Variants in DKKL1 observed in about 807,000 individuals in gnomAD.
DKKL1 encodes the protein dickkopf like acrosomal protein 1, also known as dickkopf-like protein 1.
Under a neutral mutation model 16.5 loss-of-function variants are expected in DKKL1, and 11 were observed. The observed-to-expected ratio is 0.67, with a 90% CI of 0.42 to 1.10. The LOEUF is 1.10. Ranked by LOEUF, DKKL1 falls within the 50% of genes least tolerant of loss-of-function variation. DKKL1 has a pLI of 0.00. For synonymous variants in DKKL1, 119 were observed against 133.2 expected, an observed-to-expected ratio of 0.89 and a Z score of 0.73; for missense variants, 320 against 308.1, an observed-to-expected ratio of 1.04 and a Z score of -0.29.
chr19:49,362,935 G>GT (rs1333841695), upstream of DKKL1: 1,509 of 80,130 alleles, frequency 0.019, 24 homozygotes, highest in East Asian at 0.078. Flanking sequence ...TGTTTTTTTT[G>GT]TTTTTTTTTT....
rs762517939 is a variant in DKKL1 at position 49,365,522 on chromosome 19, G to C, written c.197G>C (p.Arg66Pro). The change falls in exon 3 of 5, where the codon CGG (arginine) becomes CCG (proline). Residue 66 changes from arginine to proline, a missense_variant. By Grantham distance (103) the Arg-to-Pro change is moderately radical. Transcript: ENST00000221498. ...SRLFLKGNLLRGIDSLFSAPM... is the reference protein window; with the variant it reads ...SRLFLKGNLLPGIDSLFSAPM... Reference sequence around the variant, plus strand: ...CTCCGGCCCCAGGGTAACCTGCTTCGGGGCATAGACAGCTTATTCTCTGCC... The same window carrying C: ...CTCCGGCCCCAGGGTAACCTGCTTCCGGGCATAGACAGCTTATTCTCTGCC... 2.4e-5 allele frequency: 38 copies of C among 1,606,444 alleles called. No individual in the cohort carries two copies. The highest frequency in any genetic ancestry group is 3.2e-5 in the Non-Finnish European group (38 of 1,175,638).
chr19:49,364,406 G>A (rs1021662142), intron 1 of DKKL1, among the ~76,000 whole-genome samples, 176 bp from the exon 2 acceptor site: 1 of 151,196 alleles, frequency 6.6e-6, no homozygotes, highest in South Asian at 2.1e-4. Flanking sequence ...CCTGGGAGAA[G>A]ACGGGGCCTG....
At chr19:49,361,499 G>C (rs1972932247), upstream of DKKL1, 1 of 152,404 alleles carries the variant, frequency 6.6e-6, no homozygotes, top group African/African-American at 2.4e-5. Context: ...GCCATCAGAA[G>C]AGCCAGAACA....
At chr19:49,360,752 GGGAGGGGGAC>G (rs1972798550), upstream of DKKL1, among the ~76,000 whole-genome samples, 2 of 85,234 alleles carry the variant, frequency 2.3e-5, no homozygotes, top group African/African-American at 4.1e-5. Flanking sequence ...GACCCAGAGA[GGGAGGGGGAC>G]AGAGACCCAG....
chr19:49,374,251 G>T (rs1973633345), intron 4 of DKKL1, among the ~76,000 whole-genome samples: 1 of 152,206 alleles, frequency 6.6e-6, no homozygotes, highest in Non-Finnish European at 1.5e-5. Context: ...CTCCCACAGT[G>T]CTGGGATTAC....
upstream of DKKL1, chr19:49,363,809 A>C (rs1795943701): frequency 6.4e-6 from 5 of 782,108 alleles, no homozygotes; most frequent in Non-Finnish European, 8.5e-6. Flanking sequence ...GAGGCCGGCA[A>C]GTTTGGAGCG....
intron 2 of DKKL1, 51 bp from the exon 3 acceptor site, chr19:49,365,458 A>T (rs1973210930): frequency 6.4e-7 from 1 of 1,553,106 alleles, no homozygotes; most frequent in South Asian, 1.2e-5. Flanking sequence ...AAGGGGCTGT[A>T]CTGAGGAGAT....
rs771632482 is a variant in DKKL1 at position 49,364,649 on chromosome 19, C to T, written c.78C>T (p.Ile26=). 3.1e-6 allele frequency: 5 copies of T among 1,613,904 alleles called. No homozygotes were observed. The highest frequency in any genetic ancestry group is 3.4e-6 in the Non-Finnish European group (4 of 1,180,036). ...TGCTGCTCCTCTCTACCCTGGTGATCCCCTCCGCTGCAGCTCCTATCCATG... is the reference window on the plus strand; with the variant it reads ...TGCTGCTCCTCTCTACCCTGGTGATTCCCTCCGCTGCAGCTCCTATCCATG... ...VLLLLLSTLV[I]PSAAAPIHDA... is the part of the protein sequence containing the mutation. The change falls in exon 2 of 5, where the codon ATC becomes ATT. Residue 26 remains isoleucine (I), a synonymous_variant. Transcript: ENST00000221498.
chr19:49,362,684 GCTGGGGGCTGGGACTCCTGGGT>G (rs1441592642), upstream of DKKL1, among the ~76,000 whole-genome samples: 11 of 151,710 alleles, frequency 7.3e-5, no homozygotes, highest in Non-Finnish European at 1.0e-4. Context: ...GGGAGGAGAG[GCTGGGGGCTGGGACTCCTGGGT>G]CTGGGGGCTG....
chr19:49,373,901 A>T (rs1973613603), intron 4 of DKKL1, among the ~76,000 whole-genome samples: 1 of 151,730 alleles, frequency 6.6e-6, no homozygotes, highest in Non-Finnish European at 1.5e-5. Flanking sequence ...ACAGCAGCCC[A>T]CCCTTTGAAT....
intron 4 of DKKL1, among the ~76,000 whole-genome samples, chr19:49,372,420 A>G (rs990237530): frequency 3.3e-5 from 5 of 152,102 alleles, no homozygotes; most frequent in African/African-American, 1.2e-4. Flanking sequence ...GGGGCCAGGC[A>G]CAGTGGCTCA....
In DKKL1 at chr19:49,364,022, T is replaced by G. The variant is rs1973136377; in HGVS notation, c.10+14T>G. 6.2e-6 allele frequency: 10 copies of G among 1,612,978 alleles called. No individual in the cohort carries two copies. The East Asian group carries it at 2.2e-4, about 36-fold the overall frequency. ...GTATGGGAGAAGGTGAGGATTGAGA[T>G]CTGGTGGTGAACGTGGGCGAAAGTG... On this transcript the variant is annotated intron_variant, in intron 1 of 4. Coordinates refer to ENST00000221498, the MANE Select transcript of DKKL1 (RefSeq NM_014419.4).
chr19:49,363,517 A>G (rs1973097253), upstream of DKKL1: 5 of 282,280 alleles, frequency 1.8e-5, no homozygotes, highest in South Asian at 1.7e-4. Context: ...GGTCCAGTGC[A>G]GGGGCGTGGC....
upstream of DKKL1, chr19:49,361,727 T>G (rs1972957653): frequency 1.3e-5 from 2 of 152,454 alleles, no homozygotes; most frequent in Non-Finnish European, 2.9e-5. Flanking sequence ...GGAGGCTCCA[T>G]GTCCTCCACA....
chr19:49,367,258 A>G (rs1973289053), intron 4 of DKKL1, among the ~76,000 whole-genome samples: 1 of 151,706 alleles, frequency 6.6e-6, no homozygotes, highest in African/African-American at 2.4e-5. Flanking sequence ...CTGGTCTCGA[A>G]CTCCTGACCT....
At chr19:49,365,380 G>A in intron 2 of DKKL1, 129 bp from the exon 3 acceptor site, 1 of 1,159,100 alleles carries the variant, frequency 8.6e-7, no homozygotes, top group Non-Finnish European at 1.2e-6. Context: ...AAGTATCAGA[G>A]GGCAGAAAGT....
chr19:49,361,573 C>G (rs1276183567), upstream of DKKL1: 1 of 152,216 alleles, frequency 6.6e-6, no homozygotes, highest in Non-Finnish European at 1.5e-5. Flanking sequence ...GCTTGCCGGC[C>G]AGGGCGACTC....
At chr19:49,362,675 G>A (rs1212975632), upstream of DKKL1, among the ~76,000 whole-genome samples, 1 of 151,984 alleles carries the variant, frequency 6.6e-6, no homozygotes, top group Non-Finnish European at 1.5e-5. Flanking sequence ...CTGATCTGAG[G>A]GAGGAGAGGC....
intron 4 of DKKL1, chr19:49,368,728 T>A (rs532664355): frequency 1.3e-5 from 2 of 152,274 alleles, no homozygotes; most frequent in East Asian, 3.9e-4. Flanking sequence ...TTAATTAACT[T>A]TTTTTAAGCC....
Sources: allele counts gnomAD v4.1 joint callset (sites outside exome capture counted in the v4.1 genomes callset), GRCh38; gene constraint gnomAD v4.1.1; transcripts MANE v1.5; gene names NCBI Gene and HGNC (gene_info 2026-07-23, HGNC 2026-07-21).